Variants in CHCHD3 observed in about 807,000 individuals in gnomAD.
The protein encoded by CHCHD3 is coiled-coil-helix-coiled-coil-helix domain containing 3.
A neutral mutation model predicts 38.2 loss-of-function variants in CHCHD3; 20 were observed. The observed-to-expected ratio is 0.52, with a 90% CI of 0.37 to 0.76. CHCHD3 has a LOEUF of 0.76. Among genes scored for constraint, CHCHD3 ranks in the 30% least tolerant of loss-of-function variants. CHCHD3 has a pLI of 0.00. For missense variants in CHCHD3, 245 were observed against 279.2 expected, an observed-to-expected ratio of 0.88 and a Z score of 0.87; for synonymous variants, 82 against 100.0, an observed-to-expected ratio of 0.82 and a Z score of 1.07.
intron 4 of CHCHD3, among the ~76,000 whole-genome samples, chr7:132,941,653 A>G (rs1172881669): frequency 3.3e-5 from 5 of 152,250 alleles, no homozygotes; most frequent in Admixed American, 3.3e-4. Context: ...GGGTTTTAAT[A>G]CCATCATCTC....
At chr7:132,835,321 T>C (rs1364161958) in intron 6 of CHCHD3, among the ~76,000 whole-genome samples, 2 of 152,196 alleles carry the variant, frequency 1.3e-5, no homozygotes, top group Non-Finnish European at 2.9e-5. Flanking sequence ...TCGAAGGATT[T>C]AGAATTTCTC....
chr7:132,880,598 T>C (rs1416169838), intron 5 of CHCHD3, among the ~76,000 whole-genome samples: 1 of 151,994 alleles, frequency 6.6e-6, no homozygotes, highest in African/African-American at 2.4e-5. Context: ...GTGCTATTTG[T>C]AGAAAATACA....
At chr7:132,994,426 A>G (rs1388952322) in intron 3 of CHCHD3, among the ~76,000 whole-genome samples, 1 of 152,226 alleles carries the variant, frequency 6.6e-6, no homozygotes, top group Non-Finnish European at 1.5e-5. Flanking sequence ...CTTCATGGCC[A>G]GCACCTATTC....
At chr7:132,926,693 T>C (rs1263035897) in intron 4 of CHCHD3, among the ~76,000 whole-genome samples, 2 of 152,178 alleles carry the variant, frequency 1.3e-5, no homozygotes, top group Non-Finnish European at 2.9e-5. Flanking sequence ...TCATGTAAAA[T>C]GGCATCATAT....
At chr7:133,070,293 A>C in intron 1 of CHCHD3, 64 bp from the exon 2 acceptor site, 2 of 1,342,238 alleles carry the variant, frequency 1.5e-6, no homozygotes, top group Non-Finnish European at 2.1e-6. Flanking sequence ...CAGTGCAATA[A>C]CATCCAAGTA....
intron 6 of CHCHD3, among the ~76,000 whole-genome samples, chr7:132,798,431 C>T (rs1166269639): frequency 6.6e-6 from 1 of 152,094 alleles, no homozygotes; most frequent in Admixed American, 6.6e-5. Context: ...ATCAGCCGTG[C>T]TTCAAAGAGT....
Position 133,034,515 on chromosome 7 carries a change from T to TC in CHCHD3, c.170-9889_170-9888insG, listed in dbSNP as rs1312008551. The TC allele has an allele frequency of 2.5e-3, 1,175 of 475,082 alleles. 21 individuals carry two copies. Among genetic ancestry groups the TC allele is most frequent in the South Asian group, 8.5e-3 (249 of 29,154 alleles). 29.4% of individuals were successfully genotyped at this position (475,082 alleles called of 1,614,324 possible). ...TCAGCAATTGGATCCAGTCTTTTTT[T>TC]TTTTTTTTTTTTTTTCAATGTTCAG... On this transcript the variant is annotated intron_variant, in intron 2 of 7. Coordinates refer to ENST00000262570, the MANE Select transcript of CHCHD3 (RefSeq NM_017812.4).
At chr7:132,937,500 T>C (rs575528258) in intron 4 of CHCHD3, among the ~76,000 whole-genome samples, 2 of 152,320 alleles carry the variant, frequency 1.3e-5, no homozygotes, top group African/African-American at 4.8e-5. Context: ...AAACTTCACA[T>C]CTCAATTATA....
intron 4 of CHCHD3, among the ~76,000 whole-genome samples, chr7:132,900,093 C>T (rs928217857): frequency 2.6e-5 from 4 of 152,202 alleles, no homozygotes; most frequent in Admixed American, 1.3e-4. Flanking sequence ...TTTGCAACTA[C>T]TAGAACAGAG....
At chr7:132,864,754 G>A (rs529826989) in intron 5 of CHCHD3, among the ~76,000 whole-genome samples, 8 of 152,150 alleles carry the variant, frequency 5.3e-5, no homozygotes, top group African/African-American at 1.7e-4. Context: ...TTTCCATGCC[G>A]AGATATGTAC....
At chr7:132,865,051 T>C (rs1585584556) in intron 5 of CHCHD3, among the ~76,000 whole-genome samples, 2 of 152,218 alleles carry the variant, frequency 1.3e-5, no homozygotes, top group African/African-American at 2.4e-5. Flanking sequence ...AGGAGGATTA[T>C]GGTACAAAGA....
At chr7:132,943,740 C>T (rs1810828288) in intron 4 of CHCHD3, among the ~76,000 whole-genome samples, 1 of 151,990 alleles carries the variant, frequency 6.6e-6, no homozygotes, top group Admixed American at 6.6e-5. Flanking sequence ...ATGAGGGGGT[C>T]TTATAAAAAA....
chr7:132,797,236 T>C (rs181840308), intron 6 of CHCHD3, among the ~76,000 whole-genome samples: 2 of 151,976 alleles, frequency 1.3e-5, no homozygotes, highest in Non-Finnish European at 2.9e-5. Flanking sequence ...CAATTCAGGG[T>C]TTCGTTCTTA....
At chr7:132,985,664 A>G (rs868515804) in intron 3 of CHCHD3, among the ~76,000 whole-genome samples, 8 of 29,346 alleles carry the variant, frequency 2.7e-4, no homozygotes, top group Admixed American at 1.3e-3. Context: ...CAGCCGCCCC[A>G]TCCGGGAGGG....
At chr7:132,975,925 T>TA (rs11417082) in intron 3 of CHCHD3, among the ~76,000 whole-genome samples, 91,214 of 140,242 alleles carry the variant, frequency 0.65, 29,578 homozygotes, top group Admixed American at 0.71. Flanking sequence ...AGACTCCGTT[T>TA]AAAAAAAAAA....
intron 6 of CHCHD3, among the ~76,000 whole-genome samples, chr7:132,829,587 GA>G (rs1807589315): frequency 6.6e-6 from 1 of 152,168 alleles, no homozygotes; most frequent in South Asian, 2.1e-4. Context: ...CGAAAGGAAA[GA>G]AGATGCTTGG....
Position 132,900,545 on chromosome 7 carries a change from T to C in CHCHD3, c.370-14800A>G, listed in dbSNP as rs115981881. 2.5e-3 allele frequency among the ~76,000 whole-genome samples: 387 copies of C among 152,166 alleles called. 1 individual carries two copies. The Middle Eastern group carries it at 0.027, about 11-fold the overall frequency. Reference sequence around the variant, plus strand: ...CTTTAAATGAAAGCCAGCACTTTCATCTAGTGCTCAACTAAAGAAAACTAC... The same window carrying C: ...CTTTAAATGAAAGCCAGCACTTTCACCTAGTGCTCAACTAAAGAAAACTAC... On this transcript the variant is annotated intron_variant, in intron 4 of 7. Transcript: ENST00000262570.
At chr7:132,799,977 C>G (rs942431157) in intron 6 of CHCHD3, among the ~76,000 whole-genome samples, 6 of 152,072 alleles carry the variant, frequency 3.9e-5, no homozygotes, top group African/African-American at 9.7e-5. Flanking sequence ...AACTGGAGTC[C>G]CAAAGATTTG....
chr7:132,992,540 G>T (rs937292936), intron 3 of CHCHD3, among the ~76,000 whole-genome samples: 5 of 152,204 alleles, frequency 3.3e-5, no homozygotes, highest in African/African-American at 1.2e-4. Context: ...GCCACATGCG[G>T]CTACTGAGCC....
Sources: allele counts gnomAD v4.1 joint callset (sites outside exome capture counted in the v4.1 genomes callset), GRCh38; gene constraint gnomAD v4.1.1; transcripts MANE v1.5; gene names NCBI Gene and HGNC (gene_info 2026-07-23, HGNC 2026-07-21).